The following AGBL5 variants were observed in gnomAD, a reference collection of about 807,000 sequenced individuals.
AGBL5 encodes cytosolic carboxypeptidase-like protein 5.
A neutral mutation model predicts 88.0 loss-of-function variants in AGBL5; 51 were observed. That is an observed-to-expected ratio of 0.58 (90% CI 0.46 to 0.73). The LOEUF (loss-of-function observed/expected upper bound fraction) is 0.73, where lower values mean the gene tolerates loss of function less well. AGBL5 is among the 30% of genes least tolerant of loss of function. The pLI, the probability that AGBL5 is intolerant of heterozygous loss-of-function variation, is 0.00. For synonymous variants in AGBL5, 446 were observed against 438.8 expected (o/e 1.02, Z -0.21); for missense variants, 1,031 against 1,162.2 (o/e 0.89, Z 1.64).
At chr2:27,051,249 C>CT (rs1177664162), upstream of AGBL5, among the ~76,000 whole-genome samples, 5 of 152,238 alleles carry the variant, frequency 3.3e-5, no homozygotes, top group Non-Finnish European at 7.3e-5. Context: ...GCTCGCTTAG[C>CT]ATGCGAGAGG....
Position 27,070,206 on chromosome 2 carries a change from A to G in AGBL5, c.2604A>G (p.Gln868=). The G allele has an allele frequency of 6.2e-7, 1 of 1,614,208 alleles. No individual in the cohort carries two copies. Among genetic ancestry groups the G allele is most frequent in the East Asian group, 2.2e-5 (1 of 44,886 alleles). ...GTTACAGCAGGGGTCCCTTGGGCCA[A>G]CCTGAGGTTTGTTTTGTCCCTAAAT... ...WNCYSRGPLG[Q]PEVCFVPKSP... The change falls in exon 15 of 15, where the codon CAA becomes CAG. Residue 868 remains glutamine (Q), a synonymous_variant. Coordinates refer to ENST00000360131, the MANE Select transcript of AGBL5 (RefSeq NM_021831.6).
At chr2:27,064,912 CCTGG>C (rs1348501185) in intron 11 of AGBL5, among the ~76,000 whole-genome samples, 1 of 151,848 alleles carries the variant, frequency 6.6e-6, no homozygotes, top group African/African-American at 2.4e-5. Flanking sequence ...CACCACCACG[CCTGG>C]CTAATTTTTT....
chr2:27,066,895 C>CTGTT (rs1669013132), intron 11 of AGBL5, among the ~76,000 whole-genome samples: 1 of 152,074 alleles, frequency 6.6e-6, no homozygotes, highest in Non-Finnish European at 1.5e-5. Context: ...CCACCCTGAC[C>CTGTT]AACATGGTGA....
At chr2:27,067,893 C>T (rs1053330788) in intron 12 of AGBL5, 1 of 557,496 alleles carries the variant, frequency 1.8e-6, no homozygotes, top group African/African-American at 1.9e-5. Flanking sequence ...CTCATTTTAT[C>T]AGTTGAGGAA....
In AGBL5 at chr2:27,053,464, T is replaced by G; in HGVS notation, c.278T>G (p.Met93Arg). The change falls in exon 3 of 15, where the codon ATG (methionine) becomes AGG (arginine). Residue 93 changes from methionine (M) to arginine (R), a missense_variant. Around this residue, in one of 2 missense-constraint regions of AGBL5, gnomAD observed 540 missense variants for 678.2 expected, o/e 0.80. Transcript: ENST00000360131. This position sits in a 1 kb window ranked among gnomAD's most constrained non-coding sequence, Gnocchi z 4.9. ...GGAAAACTCATCAAGATCAACATTA[T>G]GAACATGAACAAGCAGAGCAAGCTG... ...MPGKLIKINIMNMNKQSKLYS... is the reference protein window; with the variant it reads ...MPGKLIKINIRNMNKQSKLYS... The G allele has an allele frequency of 6.2e-7, 1 of 1,614,098 alleles. No homozygotes were observed. The highest frequency in any genetic ancestry group is 2.2e-5 in the East Asian group (1 of 44,880).
At chr2:27,060,406 A>C (rs1668655905) in intron 11 of AGBL5, among the ~76,000 whole-genome samples, 1 of 152,224 alleles carries the variant, frequency 6.6e-6, no homozygotes, top group African/African-American at 2.4e-5. Context: ...AACGGGAGTA[A>C]CCTGGATTGC....
intron 9 of AGBL5, among the ~76,000 whole-genome samples, 197 bp from the exon 10 acceptor site, chr2:27,058,203 C>A (rs1668535200): frequency 6.6e-6 from 1 of 152,202 alleles, no homozygotes; most frequent in Non-Finnish European, 1.5e-5. Flanking sequence ...TGGAAGAGGG[C>A]CCCCAAATTG....
upstream of AGBL5, among the ~76,000 whole-genome samples, chr2:27,050,806 C>T (rs955452427): frequency 2.6e-5 from 4 of 152,156 alleles, no homozygotes; most frequent in East Asian, 1.9e-4. Flanking sequence ...GTTGGTAGAG[C>T]GGAGGACTGT....
chr2:27,054,134 T>C (rs529719570), intron 4 of AGBL5, 75 bp downstream of exon 4: 1 of 1,497,268 alleles, frequency 6.7e-7, no homozygotes, highest in East Asian at 2.3e-5. Flanking sequence ...GAATTTGCTC[T>C]TAGAGCTCTG....
chr2:27,068,950 C>A, intron 13 of AGBL5: 1 of 1,496,496 alleles, frequency 6.7e-7, no homozygotes, highest in Non-Finnish European at 8.9e-7. Context: ...CATTTGCTTG[C>A]TTTCAACCTG....
At position 27,057,418 on chromosome 2, in the gene AGBL5, A is replaced by G. The variant is rs1318310004; in HGVS notation, c.1651A>G (p.Thr551Ala). The G allele has an allele frequency of 6.2e-7, 1 of 1,612,124 alleles. No homozygotes were observed. The change falls in exon 9 of 15, where the codon ACT (threonine) becomes GCT (alanine). Residue 551 changes from threonine (T) to alanine (A), a missense_variant. Transcript: ENST00000360131. ...PPPPAFPSRY[T>A]VELFEQVGRA... ...CCCGCCGGCTTTCCCCTCCAGATAC[A>G]CTGTGGAACTATTTGAGCAGGTATG...
chr2:27,068,903 T>C (rs1669129305), intron 13 of AGBL5, 159 bp downstream of exon 13: 1 of 1,493,902 alleles, frequency 6.7e-7, no homozygotes, highest in Admixed American at 2.0e-5. Context: ...GTCTGTCCAG[T>C]CCCCTTCCTG....
Position 27,070,101 on chromosome 2 carries a change from G to T in AGBL5, c.2499G>T (p.Gln833His). The part of the protein sequence containing the change: ...GSCSATPGLP[Q>H]ARPPRPRSAP... ...CTCTTTTCTGTTGCAGGCTGCCTCA[G>T]GCCAGGCCCCCACGGCCCCGCTCTG... is the stretch of plus-strand genomic sequence containing the variant. Residue 833 changes from glutamine to histidine, a missense_variant, in exon 15 of 15, where the codon CAG becomes CAT. Physicochemically the swap from Gln to His is conservative, Grantham distance 24 (BLOSUM62 0). Around this residue, in one of 2 missense-constraint regions of AGBL5, gnomAD observed 491 missense variants for 484.0 expected, o/e 1.01. Coordinates refer to ENST00000360131, the MANE Select transcript of AGBL5 (RefSeq NM_021831.6). 1 of 1,612,908 alleles carries T rather than the reference G, an allele frequency of 6.2e-7. No homozygotes were observed. Among genetic ancestry groups the T allele is most frequent in the Non-Finnish European group, 8.5e-7 (1 of 1,179,060 alleles).
rs976257736 is a variant in AGBL5, at chr2:27,053,053, G to C, written c.95G>C (p.Gly32Ala). The part of the protein sequence containing the change: ...VEKVESLSSD[G>A]EGVGGGASAL... Reference sequence around the variant, plus strand: ...AAGGTGGAATCTTTGTCCAGTGATGGGGAAGGGGTAGGAGGTGGGGCGTCA... The same window carrying C: ...AAGGTGGAATCTTTGTCCAGTGATGCGGAAGGGGTAGGAGGTGGGGCGTCA... Residue 32 changes from glycine to alanine, a missense_variant, in exon 2 of 15, where the codon GGG becomes GCG. By Grantham distance (60) the Gly-to-Ala change is moderately conservative (BLOSUM62 0). Coordinates refer to ENST00000360131, the MANE Select transcript of AGBL5 (RefSeq NM_021831.6). This position sits in a 1 kb window ranked among gnomAD's most constrained non-coding sequence, Gnocchi z 4.9. The C allele has an allele frequency of 6.2e-7, 1 of 1,613,730 alleles. No individual in the cohort carries two copies. The highest frequency in any genetic ancestry group is 8.5e-7 in the Non-Finnish European group (1 of 1,179,906).
chr2:27,067,161 AG>A (rs1258715122), intron 11 of AGBL5, among the ~76,000 whole-genome samples: 1 of 149,170 alleles, frequency 6.7e-6, no homozygotes, highest in African/African-American at 2.5e-5. Flanking sequence ...GCTAGGTGGG[AG>A]GATCACCTGA....
intron 11 of AGBL5, chr2:27,062,986 G>GT (rs1469118641): frequency 2.0e-5 from 3 of 152,224 alleles, no homozygotes; most frequent in African/African-American, 7.2e-5. Context: ...GGGAATAAAC[G>GT]TAAGACTGTG....
chr2:27,069,317 T>A (rs986094106), intron 13 of AGBL5: 1 of 985,294 alleles, frequency 1.0e-6, no homozygotes, highest in Non-Finnish European at 1.2e-6. Context: ...ACCTTAGTCA[T>A]GGTGTAGCCA....
At position 27,057,308 on chromosome 2, in the gene AGBL5, C is replaced by T. The variant is rs1296481724; in HGVS notation, c.1541C>T (p.Thr514Ile). 6.2e-7 allele frequency: 1 copy of T among 1,612,724 alleles called. No homozygotes were observed. The highest frequency in any genetic ancestry group is 2.2e-5 in the East Asian group (1 of 44,828). ...YKASGIIHSY[T>I]LECNYNTGRS... The stretch of plus-strand genomic sequence containing the variant: ...TAAAGGTCTTTATGTCTTAGCTACA[C>T]ACTTGAATGCAACTACAACACTGGA... Residue 514 changes from threonine (T) to isoleucine (I), a missense_variant, in exon 9 of 15, where the codon ACA becomes ATA. This residue lies in a region of AGBL5 where 540 missense variants were observed against 678.2 expected (regional missense o/e 0.80). Coordinates refer to ENST00000360131, the MANE Select transcript of AGBL5 (RefSeq NM_021831.6).
In AGBL5 at chr2:27,051,737, G is replaced by T. The variant is rs1485229944; in HGVS notation, c.-103G>T. 1 of 152,270 alleles carries T rather than the reference G, an allele frequency of 6.6e-6. No individual in the cohort carries two copies. The allele number at this position is 152,270 out of a possible 1,614,324, so 9.4% of individuals were successfully genotyped here. The stretch of plus-strand genomic sequence containing the variant: ...CCGGGTGGAGGGCCCGGGTGCCGGG[G>T]CCCAAGGTGCGGCCTCGCTAGCGGG... On this transcript the variant is annotated 5_prime_UTR_variant, in exon 1 of 15. Coordinates refer to ENST00000360131, the MANE Select transcript of AGBL5 (RefSeq NM_021831.6).
Sources: gnomAD v4.1 joint callset for allele counts (sites outside exome capture counted in the v4.1 genomes callset) on GRCh38, gnomAD v4.1.1 for gene constraint, gnomAD v4.1.1 regional missense constraint, Gnocchi (gnomAD v3.1) non-coding constraint, MANE v1.5 for transcripts, NCBI Gene and HGNC (gene_info 2026-07-23, HGNC 2026-07-21) for gene names.